Variants in SPARCL1 observed in about 807,000 individuals in gnomAD.
SPARCL1 encodes SPARC like 1.
SPARCL1 carries 52 observed loss-of-function variants against 67.1 expected under a neutral mutation model. The observed-to-expected ratio is 0.78, with a 90% confidence interval of 0.62 to 0.98. SPARCL1 has a LOEUF of 0.98. Ranked by LOEUF, SPARCL1 falls within the 50% of genes least tolerant of loss-of-function variation. The pLI, the probability that SPARCL1 is intolerant of heterozygous loss-of-function variation, is 0.00. For synonymous variants in SPARCL1, 226 were observed against 267.8 expected (o/e 0.84, Z 1.52); for missense variants, 717 against 782.4 (o/e 0.92, Z 1.00).
intron 8 of SPARCL1, 120 bp downstream of exon 8, chr4:87,482,304 G>T: frequency 9.7e-7 from 1 of 1,027,352 alleles, no homozygotes; most frequent in Non-Finnish European, 1.4e-6. Flanking sequence ...GGGCTAACCG[G>T]GCATGGGGAA....
At chr4:87,481,007 T>C (rs1175138714) in intron 8 of SPARCL1, among the ~76,000 whole-genome samples, 1 of 152,112 alleles carries the variant, frequency 6.6e-6, no homozygotes, top group African/African-American at 2.4e-5. Flanking sequence ...GCCAGCCCCA[T>C]TGAAATTTCC....
chr4:87,520,345 G>A (rs2110264019), intron 1 of SPARCL1, among the ~76,000 whole-genome samples: 1 of 151,240 alleles, frequency 6.6e-6, no homozygotes, highest in South Asian at 2.1e-4. Context: ...GGCATTCCAA[G>A]TTCAATAAGA....
chr4:87,508,889 G>GTATATATA (rs142792848), intron 1 of SPARCL1, among the ~76,000 whole-genome samples: 25,669 of 138,098 alleles, frequency 0.19, 2,532 homozygotes, highest in South Asian at 0.35. Flanking sequence ...ATGTATATAA[G>GTATATATA]TATATATATA....
chr4:87,501,471 C>T (rs1724845742), intron 1 of SPARCL1, among the ~76,000 whole-genome samples: 1 of 152,012 alleles, frequency 6.6e-6, no homozygotes, highest in South Asian at 2.1e-4. Context: ...TTACTTGATA[C>T]ATAGTTTGAA....
chr4:87,505,263 G>A (rs1725027408), intron 1 of SPARCL1, among the ~76,000 whole-genome samples: 3 of 152,032 alleles, frequency 2.0e-5, no homozygotes, highest in African/African-American at 4.8e-5. Context: ...CTAAATTGCT[G>A]CTATCTTTTC....
chr4:87,477,666 A>G (rs1000796514), intron 10 of SPARCL1, among the ~76,000 whole-genome samples: 1 of 152,186 alleles, frequency 6.6e-6, no homozygotes, highest in Non-Finnish European at 1.5e-5. Context: ...GCAAAGAGCC[A>G]TGGGAGTGGG....
intron 1 of SPARCL1, among the ~76,000 whole-genome samples, chr4:87,524,693 G>A (rs961448898): frequency 6.6e-6 from 1 of 152,146 alleles, no homozygotes; most frequent in African/African-American, 2.4e-5. Flanking sequence ...CTCCTCAGCT[G>A]CAGCACCTGA....
At chr4:87,497,403 T>C (rs1724664537) in intron 2 of SPARCL1, among the ~76,000 whole-genome samples, 1 of 152,144 alleles carries the variant, frequency 6.6e-6, no homozygotes, top group Admixed American at 6.5e-5. Context: ...GGTCACTCTC[T>C]CTCCCCCTCC....
At position 87,524,917 on chromosome 4, in the gene SPARCL1, C is replaced by G. The variant is rs369410874; in HGVS notation, c.-12+4128G>C. ...GTGGCTCACACCTGTAATCCCAGCA[C>G]CTTGGGAGCCTGAGGCAAGCAGATC... On this transcript the variant is annotated intron_variant, in intron 1 of 10. Transcript: ENST00000282470. Among the ~76,000 whole-genome samples the G allele has an allele frequency of 9.9e-5, 15 of 152,214 alleles. No individual in the cohort carries two copies. The East Asian group carries it at 2.1e-3, about 22-fold the overall frequency.
intron 1 of SPARCL1, among the ~76,000 whole-genome samples, chr4:87,524,317 G>A (rs755178505): frequency 2.0e-5 from 3 of 152,038 alleles, no homozygotes; most frequent in Non-Finnish European, 4.4e-5. Context: ...TTGACTCACT[G>A]GGAATTCTAA....
intron 1 of SPARCL1, chr4:87,528,320 A>G (rs945717908): frequency 6.6e-6 from 1 of 152,144 alleles, no homozygotes; most frequent in African/African-American, 2.4e-5. Context: ...AATATGAGTT[A>G]CCATAATCTC....
chr4:87,493,665 A>G lies in SPARCL1; in HGVS notation c.1135T>C (p.Tyr379His). 1.2e-6 allele frequency: 2 copies of G among 1,614,092 alleles called. No homozygotes were observed. The highest frequency in any genetic ancestry group is 1.7e-6 in the Non-Finnish European group (2 of 1,180,026). Residue 379 changes from tyrosine to histidine, a missense_variant, in exon 4 of 11, where the codon TAT (tyrosine) becomes CAT (histidine). Transcript: ENST00000282470. ...LEAERAQSIA[Y>H]HLKIEEQREK... ...CTTTGCTCCTCAATTTTGAGGTGAT[A>G]GGCAATGGATTGAGCTCTCTCGGCC...
At position 87,500,093 on chromosome 4, in the gene SPARCL1, G is replaced by A. The variant is rs570626290; in HGVS notation, c.-11-508C>T. 1.9e-3 allele frequency among the ~76,000 whole-genome samples: 283 copies of A among 152,286 alleles called. 2 individuals are homozygous for A. Among genetic ancestry groups the A allele is most frequent in the Middle Eastern group, 3.4e-3 (1 of 294 alleles). ...TGAGTTAGGGGTGGCCTGCAGATAG[G>A]TTTGGTTTGGTAGGCACTGTGCATT... On this transcript the variant is annotated intron_variant, in intron 1 of 10. Coordinates refer to ENST00000282470, the MANE Select transcript of SPARCL1 (RefSeq NM_004684.6).
chr4:87,478,130 G>A (rs367779079), intron 10 of SPARCL1, among the ~76,000 whole-genome samples: 1 of 151,982 alleles, frequency 6.6e-6, no homozygotes, highest in Non-Finnish European at 1.5e-5. Flanking sequence ...TTTCTTTAAC[G>A]GCTTAGCTGC....
chr4:87,479,361 A>T, intron 10 of SPARCL1, 69 bp downstream of exon 10: 1 of 1,502,148 alleles, frequency 6.7e-7, no homozygotes, highest in Admixed American at 2.1e-5. Context: ...CCTCTCTATG[A>T]AGCATGCAGG....
intron 6 of SPARCL1, 28 bp downstream of exon 6, chr4:87,490,732 C>T: frequency 7.0e-7 from 1 of 1,428,254 alleles, no homozygotes; most frequent in Non-Finnish European, 9.7e-7. Context: ...TTTGGAGCCA[C>T]TTAAAGACTA....
chr4:87,510,749 G>A (rs1275809259), intron 1 of SPARCL1, among the ~76,000 whole-genome samples: 1 of 152,238 alleles, frequency 6.6e-6, no homozygotes, highest in Non-Finnish European at 1.5e-5. Flanking sequence ...ATCCAAAAAG[G>A]CGGTCGCACT....
chr4:87,507,553 T>C (rs6837379), intron 1 of SPARCL1, among the ~76,000 whole-genome samples: 1 of 151,640 alleles, frequency 6.6e-6, no homozygotes, highest in Non-Finnish European at 1.5e-5. Context: ...GGAAAATCTC[T>C]AACTGCTTTT....
chr4:87,474,113 C>G (rs1232854808), intron 10 of SPARCL1, among the ~76,000 whole-genome samples: 1 of 152,100 alleles, frequency 6.6e-6, no homozygotes, highest in African/African-American at 2.4e-5. Context: ...AACGGGAGGT[C>G]CAGCCAAGAA....
Sources: allele counts gnomAD v4.1 joint callset (sites outside exome capture counted in the v4.1 genomes callset), GRCh38; gene constraint gnomAD v4.1.1; transcripts MANE v1.5; gene names NCBI Gene and HGNC (gene_info 2026-07-23, HGNC 2026-07-21).